Variants in KHDRBS2 observed in about 807,000 individuals in gnomAD.
KHDRBS2 encodes the protein KH RNA binding domain containing, signal transduction associated 2.
KHDRBS2 carries 26 observed loss-of-function variants against 44.3 expected under a neutral mutation model. That is an observed-to-expected ratio of 0.59 (90% CI 0.43 to 0.81). The LOEUF (loss-of-function observed/expected upper bound fraction) is 0.81, where lower values mean the gene tolerates loss of function less well. KHDRBS2 is among the 40% of genes least tolerant of loss of function. The pLI is 0.00. For synonymous variants in KHDRBS2, 194 were observed against 151.1 expected (o/e 1.28, Z -2.08); for missense variants, 476 against 433.1 (o/e 1.10, Z -0.88).
chr6:61,634,308 A>G, the KHDRBS2 span, among the ~76,000 whole-genome samples: 1 of 151,916 alleles, frequency 6.6e-6, no homozygotes, highest in African/African-American at 2.4e-5. Flanking sequence ...GACCCTTGGA[A>G]ACCACTTCCA....
At chr6:61,891,135 T>C (rs990910625) in intron 6 of KHDRBS2, among the ~76,000 whole-genome samples, 1 of 152,142 alleles carries the variant, frequency 6.6e-6, no homozygotes, top group East Asian at 1.9e-4. Flanking sequence ...ATAATTTACA[T>C]AAGACATTGA....
chr6:62,138,928 C>G, intron 2 of KHDRBS2, among the ~76,000 whole-genome samples: 1 of 152,076 alleles, frequency 6.6e-6, no homozygotes, highest in East Asian at 1.9e-4. Context: ...TTAAATTATT[C>G]CCCCAAGGCA....
At chr6:61,586,694 GC>G in the KHDRBS2 span, among the ~76,000 whole-genome samples, 1 of 152,074 alleles carries the variant, frequency 6.6e-6, no homozygotes, top group Non-Finnish European at 1.5e-5. Flanking sequence ...GGATCCAGCG[GC>G]CATGTTCCCA....
intron 8 of KHDRBS2, among the ~76,000 whole-genome samples, chr6:61,695,112 T>C (rs1767763318): frequency 6.6e-6 from 1 of 152,146 alleles, no homozygotes; most frequent in South Asian, 2.1e-4. Context: ...AAGGACGATT[T>C]AGGATTTAGG....
At chr6:61,931,397 T>C (rs1810015426) in intron 4 of KHDRBS2, among the ~76,000 whole-genome samples, 1 of 151,950 alleles carries the variant, frequency 6.6e-6, no homozygotes, top group Non-Finnish European at 1.5e-5. Context: ...CCTGAAATGT[T>C]GGACTTAAAA....
chr6:62,091,706 G>C (rs1242275039), intron 2 of KHDRBS2, among the ~76,000 whole-genome samples: 1 of 152,120 alleles, frequency 6.6e-6, no homozygotes, highest in Non-Finnish European at 1.5e-5. Flanking sequence ...TCAAAAAGGA[G>C]AGTACAGGAG....
Position 62,074,638 on chromosome 6 carries a change from T to G in KHDRBS2, c.220-26644A>C, listed in dbSNP as rs1283258799. 2.6e-5 allele frequency among the ~76,000 whole-genome samples: 4 copies of G among 151,828 alleles called. No individual in the cohort carries two copies. The East Asian group carries it at 7.8e-4, about 30-fold the overall frequency. Reference sequence around the variant, plus strand: ...TTAACTAGATCAACGTTTCAAGAACTTTAAAGTTTTTAAAAAATATATATG... The same window carrying G: ...TTAACTAGATCAACGTTTCAAGAACGTTAAAGTTTTTAAAAAATATATATG... On this transcript the variant is annotated intron_variant, in intron 2 of 8. Transcript: ENST00000281156.
chr6:62,104,394 A>G (rs1328359904), intron 2 of KHDRBS2, among the ~76,000 whole-genome samples: 2 of 152,146 alleles, frequency 1.3e-5, no homozygotes, highest in African/African-American at 4.8e-5. Flanking sequence ...TGCACCCACT[A>G]ACTCGTCATC....
At chr6:62,056,159 G>T (rs1361788692) in intron 2 of KHDRBS2, among the ~76,000 whole-genome samples, 1 of 151,196 alleles carries the variant, frequency 6.6e-6, no homozygotes, top group Non-Finnish European at 1.5e-5. Flanking sequence ...AGTGGCTTTT[G>T]TTTGCCTGTC....
intron 3 of KHDRBS2, among the ~76,000 whole-genome samples, chr6:62,030,789 C>T (rs2127292241): frequency 6.6e-6 from 1 of 152,022 alleles, no homozygotes; most frequent in African/African-American, 2.4e-5. Context: ...ATGAATAATT[C>T]CCAAATACTC....
At chr6:62,096,474 A>G (rs1800628492) in intron 2 of KHDRBS2, among the ~76,000 whole-genome samples, 1 of 151,878 alleles carries the variant, frequency 6.6e-6, no homozygotes, top group Non-Finnish European at 1.5e-5. Flanking sequence ...CCAGGAACTT[A>G]TGCATTTCTT....
At chr6:61,868,441 G>C (rs964699361) in intron 6 of KHDRBS2, among the ~76,000 whole-genome samples, 5 of 152,158 alleles carry the variant, frequency 3.3e-5, no homozygotes, top group Admixed American at 1.3e-4. Flanking sequence ...CAGTGAGGAG[G>C]AATGAATCAG....
At chr6:62,134,008 C>A (rs571576225) in intron 2 of KHDRBS2, among the ~76,000 whole-genome samples, 1 of 152,114 alleles carries the variant, frequency 6.6e-6, no homozygotes, top group Non-Finnish European at 1.5e-5. Flanking sequence ...GATGATGCAA[C>A]AGAAAAGAAA....
the KHDRBS2 span, among the ~76,000 whole-genome samples, chr6:61,638,815 T>A: frequency 6.6e-6 from 1 of 152,056 alleles, no homozygotes; most frequent in Non-Finnish European, 1.5e-5. Context: ...AAGTTTGGAG[T>A]TTGAGGTTTG....
At chr6:61,893,041 C>G (rs149109253) in intron 6 of KHDRBS2, among the ~76,000 whole-genome samples, 10,251 of 152,088 alleles carry the variant, frequency 0.067, 405 homozygotes, top group Middle Eastern at 0.13. Context: ...ACAATGAACT[C>G]CAACAAATTT....
chr6:61,843,072 G>A (rs1289322302), intron 6 of KHDRBS2, among the ~76,000 whole-genome samples: 1 of 151,814 alleles, frequency 6.6e-6, no homozygotes, highest in Non-Finnish European at 1.5e-5. Flanking sequence ...AGTGAAAGAA[G>A]CCAGATACAG....
At chr6:61,700,491 C>A (rs190011419) in intron 7 of KHDRBS2, among the ~76,000 whole-genome samples, 1 of 150,652 alleles carries the variant, frequency 6.6e-6, no homozygotes, top group Admixed American at 6.7e-5. Flanking sequence ...ATGGACTCTG[C>A]CACAGTCTAT....
At chr6:62,108,423 C>A (rs955845994) in intron 2 of KHDRBS2, among the ~76,000 whole-genome samples, 10 of 152,072 alleles carry the variant, frequency 6.6e-5, no homozygotes, top group African/African-American at 2.4e-4. Context: ...GTTAGAATGG[C>A]GATCATTAAA....
intron 6 of KHDRBS2, among the ~76,000 whole-genome samples, chr6:61,823,161 C>T (rs951480084): frequency 2.0e-5 from 3 of 151,874 alleles, no homozygotes; most frequent in African/African-American, 7.3e-5. Flanking sequence ...GCAAAGGGGC[C>T]ATGAGAATGC....
Sources: allele counts gnomAD v4.1 joint callset (sites outside exome capture counted in the v4.1 genomes callset), GRCh38; gene constraint gnomAD v4.1.1; transcripts MANE v1.5; gene names NCBI Gene and HGNC (gene_info 2026-07-23, HGNC 2026-07-21).